C16orf46: variants seen among roughly 807,000 people sequenced by gnomAD.
C16orf46 encodes the protein chromosome 16 open reading frame 46, also known as uncharacterized protein C16orf46.
In C16orf46, 7 loss-of-function variants were observed where a neutral mutation model predicts 5.5. That is an observed-to-expected ratio of 1.28 (90% CI 0.73 to 2.40). The LOEUF (loss-of-function observed/expected upper bound fraction) is 2.40. Among genes scored for constraint, C16orf46 ranks in the 30% most tolerant of loss-of-function variants. C16orf46 has a pLI of 0.00. For synonymous variants in C16orf46, 200 were observed against 184.1 expected (o/e 1.09, Z -0.70); for missense variants, 614 against 476.0 (o/e 1.29, Z -2.70).
In C16orf46 at chr16:81,063,931, T is replaced by G. The variant is rs769930638; in HGVS notation, c.25A>C (p.Thr9Pro). Reference sequence around the variant, plus strand: ...TTATTTTCAGCATTTTCTAAGTCAGTCTCATTTTTCTGACAGAGATCCATT... The same window carrying G: ...TTATTTTCAGCATTTTCTAAGTCAGGCTCATTTTTCTGACAGAGATCCATT... MDLCQKNE[T>P]DLENAENNEI... The change falls in exon 3 of 4, where the codon ACT becomes CCT. Residue 9 changes from threonine to proline, a missense_variant. By Grantham distance (38) the Thr-to-Pro change is conservative. Coordinates refer to ENST00000299578, the MANE Select transcript of C16orf46 (RefSeq NM_152337.3). 9 of 1,613,068 alleles carry G rather than the reference T, an allele frequency of 5.6e-6. No individual in the cohort carries two copies. In the South Asian group the frequency reaches 9.9e-5, roughly 18 times the overall value.
intron 1 of C16orf46, chr16:81,072,226 T>C (rs1019193954): frequency 1.3e-5 from 2 of 150,600 alleles, no homozygotes; most frequent in South Asian, 4.2e-4. Context: ...GTCTGTCCTA[T>C]ACAGGTAAGT....
At position 81,061,466 on chromosome 16, in the gene C16orf46, C is replaced by A; in HGVS notation, c.883G>T (p.Glu295Ter). The A allele has an allele frequency of 1.2e-6, 2 of 1,614,104 alleles. No homozygotes were observed. Among genetic ancestry groups the A allele is most frequent in the Non-Finnish European group, 1.7e-6 (2 of 1,180,008 alleles). ...AGGGACCAATGCAGGCAGCGCTGCT[C>A]CGGATCGGTCAGCAGGGATATCTGG... ...AAQISLLTDP[E>*]QRCLHWSLLS... Residue 295 changes from glutamate to a stop codon, truncating the protein, a stop_gained, in exon 4 of 4, where the codon GAG becomes TAG. Transcript: ENST00000299578. LOFTEE classifies it low-confidence loss of function (END_TRUNC).
intron 3 of C16orf46, among the ~76,000 whole-genome samples, chr16:81,062,777 TAG>T (rs1278615924): frequency 6.6e-6 from 1 of 151,948 alleles, no homozygotes; most frequent in Non-Finnish European, 1.5e-5. Context: ...AGTAAAAATA[TAG>T]GACCACATTT....
At chr16:81,067,992 T>C (rs935196261) in intron 1 of C16orf46, among the ~76,000 whole-genome samples, 2 of 152,368 alleles carry the variant, frequency 1.3e-5, no homozygotes, top group Middle Eastern at 3.4e-3. Flanking sequence ...TTTGTCCAAT[T>C]ATTCTTAAGT....
intron 3 of C16orf46, among the ~76,000 whole-genome samples, chr16:81,054,368 A>G (rs1380293465): frequency 1.1e-4 from 16 of 152,098 alleles, no homozygotes; most frequent in Non-Finnish European, 1.5e-4. Context: ...GAAGTCAACC[A>G]AACTTTGGCA....
chr16:81,068,923 A>T (rs1396846195), intron 1 of C16orf46, among the ~76,000 whole-genome samples: 1 of 151,690 alleles, frequency 6.6e-6, no homozygotes, highest in Non-Finnish European at 1.5e-5. Flanking sequence ...CAAGCTGGTC[A>T]TGAACTCCTG....
At chr16:81,056,139 C>G (rs886438608), downstream of C16orf46, 1 of 152,204 alleles carries the variant, frequency 6.6e-6, no homozygotes, top group East Asian at 1.9e-4. Flanking sequence ...TAAGGTGTAT[C>G]CCACAAAGTA....
chr16:81,074,518 G>C, intron 1 of C16orf46, among the ~76,000 whole-genome samples: 1 of 152,042 alleles, frequency 6.6e-6, no homozygotes, highest in Non-Finnish European at 1.5e-5. Context: ...CTGAGTAGCT[G>C]GGACTACAGA....
Position 81,061,501 on chromosome 16 carries a change from G to A in C16orf46, c.848C>T (p.Ser283Phe), listed in dbSNP as rs1030598778. The A allele has an allele frequency of 1.1e-5, 18 of 1,614,214 alleles. No homozygotes were observed. The highest frequency in any genetic ancestry group is 1.4e-5 in the Non-Finnish European group (16 of 1,180,026). The part of the protein sequence containing the change: ...PMVNDTPSSP[S>F]PAAQISLLTD... ...CAGCAGGGATATCTGGGCCGCTGGG[G>A]AAGGGGAGGATGGCGTGTCGTTGAC... is the stretch of plus-strand genomic sequence containing the variant. Residue 283 changes from serine to phenylalanine, a missense_variant, in exon 4 of 4, where the codon TCC (serine) becomes TTC (phenylalanine). Physicochemically the swap from Ser to Phe is radical, Grantham distance 155 (BLOSUM62 -2). Coordinates refer to ENST00000299578, the MANE Select transcript of C16orf46 (RefSeq NM_152337.3).
At chr16:81,064,662 AC>A (rs1387991908) in intron 2 of C16orf46, among the ~76,000 whole-genome samples, 4 of 151,532 alleles carry the variant, frequency 2.6e-5, no homozygotes, top group Non-Finnish European at 5.9e-5. Context: ...CAGGAGAATC[AC>A]TTGAATCCGG....
intron 1 of C16orf46, among the ~76,000 whole-genome samples, chr16:81,070,461 G>A (rs912411807): frequency 1.1e-4 from 17 of 152,086 alleles, no homozygotes; most frequent in Non-Finnish European, 2.4e-4. Flanking sequence ...AGGTCAATGC[G>A]CCAGAATAAG....
At position 81,068,607 on chromosome 16, in the gene C16orf46, C is replaced by T. The variant is rs1971732592; in HGVS notation, c.-127-2326G>A. On this transcript the variant is annotated intron_variant, in intron 1 of 3. Transcript: ENST00000299578. ...TTGAGATGGGGTCTCACTATATTGA[C>T]CAGGCTGGTCTCAAACTCCTGGCCT... Among the ~76,000 whole-genome samples, 4 of 133,656 alleles carry T rather than the reference C, an allele frequency of 3.0e-5. No homozygotes were observed. In the South Asian group the frequency reaches 9.3e-4, roughly 31 times the overall value. The allele number at this position is 133,656 out of a possible 152,430, so 87.7% of individuals were successfully genotyped here. A position where few individuals can be genotyped will look rare whatever the true frequency, so the allele number is the denominator to read the frequency against.
intron 1 of C16orf46, among the ~76,000 whole-genome samples, chr16:81,072,666 G>C (rs934059013): frequency 6.6e-6 from 1 of 151,062 alleles, no homozygotes; most frequent in South Asian, 2.1e-4. Flanking sequence ...TTATAGGCGT[G>C]AGCCACCGTG....
At chr16:81,076,295 A>G (rs1322323560) in intron 1 of C16orf46, 1 of 151,258 alleles carries the variant, frequency 6.6e-6, no homozygotes, top group Non-Finnish European at 1.5e-5. Flanking sequence ...CACTGGAAGG[A>G]GCTGAACCTT....
In C16orf46 at chr16:81,061,847, A is replaced by G; in HGVS notation, c.502T>C (p.Phe168Leu). Residue 168 changes from phenylalanine to leucine, a missense_variant, in exon 4 of 4, where the codon TTT becomes CTT. Coordinates refer to ENST00000299578, the MANE Select transcript of C16orf46 (RefSeq NM_152337.3). ...AEKKSLQIKE[F>L]IWCNKDWAIP... ...GCCCAGTCTTTGTTGCACCAAATAA[A>G]CTCCTTGATTTGCAGACTTTTTTTC... 6.2e-7 allele frequency: 1 copy of G among 1,614,018 alleles called. No individual in the cohort carries two copies. The highest frequency in any genetic ancestry group is 1.6e-4 in the Middle Eastern group (1 of 6,062).
downstream of C16orf46, among the ~76,000 whole-genome samples, chr16:81,058,571 C>T (rs941421898): frequency 6.6e-6 from 1 of 152,158 alleles, no homozygotes; most frequent in Admixed American, 6.6e-5. Context: ...TTCTGAGAAC[C>T]CATTAAAGAG....
In C16orf46 at chr16:81,061,711, G is replaced by A. The variant is rs138763234; in HGVS notation, c.638C>T (p.Pro213Leu). 467 of 1,614,068 alleles carry A rather than the reference G, an allele frequency of 2.9e-4. No individual in the cohort carries two copies. The highest frequency in any genetic ancestry group is 3.8e-4 in the Admixed American group (23 of 60,030). The stretch of plus-strand genomic sequence containing the variant: ...AGCATTTGAAAGTGAAGCCTTCAGG[G>A]GAGGCAGAACTAGGAGGGCCCTGGA... Reference protein sequence around the residue: ...LTSRALLVLPPLKASLSNALD... With the variant: ...LTSRALLVLPLLKASLSNALD... Residue 213 changes from proline (P) to leucine (L), a missense_variant, in exon 4 of 4, where the codon CCC (proline) becomes CTC (leucine). Pro to Leu is a moderately conservative substitution (Grantham distance 98). Coordinates refer to ENST00000299578, the MANE Select transcript of C16orf46 (RefSeq NM_152337.3).
chr16:81,066,923 A>G (rs934853635), intron 1 of C16orf46, among the ~76,000 whole-genome samples: 4 of 152,258 alleles, frequency 2.6e-5, no homozygotes, highest in African/African-American at 7.2e-5. Context: ...AATTGGATTT[A>G]GAGTATAAAG....
chr16:81,069,369 T>C (rs1441248241), intron 1 of C16orf46, among the ~76,000 whole-genome samples: 2 of 152,220 alleles, frequency 1.3e-5, no homozygotes, highest in Non-Finnish European at 2.9e-5. Context: ...CTGTTCCACA[T>C]TGTCCTCACT....
Sources: allele counts gnomAD v4.1 joint callset (sites outside exome capture counted in the v4.1 genomes callset), GRCh38; gene constraint gnomAD v4.1.1; transcripts MANE v1.5; gene names NCBI Gene and HGNC (gene_info 2026-07-23, HGNC 2026-07-21).